CLMN: variants seen among roughly 807,000 people sequenced by gnomAD.
CLMN encodes calmin (calponin-like, transmembrane).
Under a neutral mutation model 92.7 loss-of-function variants are expected in CLMN, and 57 were observed. The observed-to-expected ratio is 0.61, with a 90% CI of 0.50 to 0.77. The LOEUF (loss-of-function observed/expected upper bound fraction) is 0.77, where lower values mean the gene tolerates loss of function less well. CLMN is among the 30% of genes least tolerant of loss of function. CLMN has a pLI of 0.00. For synonymous variants in CLMN, 466 were observed against 470.6 expected (o/e 0.99, Z 0.13); for missense variants, 1,158 against 1,237.5 (o/e 0.94, Z 0.96).
At chr14:95,258,732 G>C (rs532483105) in intron 1 of CLMN, among the ~76,000 whole-genome samples, 1 of 146,822 alleles carries the variant, frequency 6.8e-6, no homozygotes, top group Admixed American at 6.7e-5. Context: ...GTATGTGTAT[G>C]TATCTGTGGT....
intron 1 of CLMN, among the ~76,000 whole-genome samples, chr14:95,303,331 G>A (rs1901137073): frequency 6.6e-6 from 1 of 152,240 alleles, no homozygotes; most frequent in Non-Finnish European, 1.5e-5. Flanking sequence ...AGCAGAGGCT[G>A]CAGCTTTAAA....
At position 95,235,584 on chromosome 14, in the gene CLMN, T is replaced by G. The variant is rs541309535; in HGVS notation, c.83-5451A>C. On this transcript the variant is annotated intron_variant, in intron 1 of 12. Transcript: ENST00000298912. ...TCGTGGGCACTGGGCCAAAAAATGG[T>G]CATTTTCTGTCCTTCTTTGTCTAAA... Among the ~76,000 whole-genome samples, 5 of 152,240 alleles carry G rather than the reference T, an allele frequency of 3.3e-5. No individual in the cohort carries two copies. The South Asian group carries it at 1.0e-3, about 32-fold the overall frequency.
chr14:95,200,082 G>T (rs764931354), intron 9 of CLMN, among the ~76,000 whole-genome samples: 20 of 152,164 alleles, frequency 1.3e-4, no homozygotes, highest in Non-Finnish European at 2.8e-4. Flanking sequence ...TGAGATAGAG[G>T]CAGAGCCAAT....
chr14:95,280,512 A>C (rs868423258), intron 1 of CLMN, among the ~76,000 whole-genome samples: 33 of 152,186 alleles, frequency 2.2e-4, no homozygotes, highest in African/African-American at 6.5e-4. Flanking sequence ...AAAATCTTTG[A>C]GTTATTTGGC....
intron 9 of CLMN, among the ~76,000 whole-genome samples, chr14:95,198,695 G>C (rs756643540): frequency 1.6e-4 from 24 of 152,084 alleles, no homozygotes; most frequent in Admixed American, 1.0e-3. Flanking sequence ...TTCAAATCTA[G>C]ATCTCCCGAT....
intron 1 of CLMN, among the ~76,000 whole-genome samples, chr14:95,302,738 T>C (rs771948724): frequency 3.3e-5 from 5 of 152,182 alleles, no homozygotes; most frequent in Non-Finnish European, 7.3e-5. Context: ...TGACTATTTG[T>C]TCAAGTGACA....
chr14:95,206,975 C>T (rs1166693427), intron 8 of CLMN, among the ~76,000 whole-genome samples: 2 of 149,610 alleles, frequency 1.3e-5, no homozygotes, highest in African/African-American at 4.9e-5. Flanking sequence ...TTGCTTAAAA[C>T]AACAAAAATT....
In CLMN at chr14:95,182,746, G is replaced by T. The variant is rs914189117; in HGVS notation, c.*8818C>A. On this transcript the variant is annotated 3_prime_UTR_variant, in exon 13 of 13. Coordinates refer to ENST00000298912, the MANE Select transcript of CLMN (RefSeq NM_024734.4). ...ATGAGGGATGGGAAGATCTAGTCCT[G>T]TACAGCTATTTATTCCTGCAGTTGA... 1 of 150,702 alleles carries T rather than the reference G, an allele frequency of 6.6e-6. No homozygotes were observed. The highest frequency in any genetic ancestry group is 2.1e-4 in the South Asian group (1 of 4,832). 9.3% of individuals were successfully genotyped at this position (150,702 alleles called of 1,614,324 possible).
intron 1 of CLMN, among the ~76,000 whole-genome samples, chr14:95,261,961 T>G (rs920699287): frequency 2.0e-5 from 3 of 152,226 alleles, no homozygotes; most frequent in African/African-American, 7.2e-5. Context: ...CTGGAAATTT[T>G]TCCTCCAAGC....
chr14:95,227,089 G>T (rs1897735572), intron 2 of CLMN, among the ~76,000 whole-genome samples: 1 of 152,096 alleles, frequency 6.6e-6, no homozygotes, highest in Non-Finnish European at 1.5e-5. Context: ...GAGCTCCTGA[G>T]GCCAACGGGA....
At chr14:95,280,816 T>C (rs1032454032) in intron 1 of CLMN, among the ~76,000 whole-genome samples, 4 of 152,232 alleles carry the variant, frequency 2.6e-5, no homozygotes, top group African/African-American at 9.6e-5. Flanking sequence ...AATTTTGATA[T>C]GACTTAGTGG....
chr14:95,313,197 ACT>A (rs1045722588), intron 1 of CLMN, among the ~76,000 whole-genome samples: 2 of 152,094 alleles, frequency 1.3e-5, no homozygotes, highest in Non-Finnish European at 2.9e-5. Context: ...CAAGAATGAA[ACT>A]CTGTCTCAAA....
chr14:95,243,463 T>C (rs977660621), intron 1 of CLMN, among the ~76,000 whole-genome samples: 2 of 152,184 alleles, frequency 1.3e-5, no homozygotes, highest in Non-Finnish European at 2.9e-5. Context: ...TGGGCAACCA[T>C]GCTTTTAAAT....
At chr14:95,272,373 T>C (rs11621225) in intron 1 of CLMN, among the ~76,000 whole-genome samples, 26,593 of 152,138 alleles carry the variant, frequency 0.17, 3,060 homozygotes, top group Non-Finnish European at 0.25. Context: ...CAAACCTCAC[T>C]GGGACCCAGG....
At chr14:95,258,997 G>T (rs1369425273) in intron 1 of CLMN, among the ~76,000 whole-genome samples, 2 of 150,338 alleles carry the variant, frequency 1.3e-5, no homozygotes, top group Admixed American at 1.3e-4. Flanking sequence ...TGGAGAGTGT[G>T]TTTGTATGTA....
intron 1 of CLMN, among the ~76,000 whole-genome samples, chr14:95,301,190 C>G (rs1435718656): frequency 1.6e-4 from 25 of 152,206 alleles, no homozygotes; most frequent in Admixed American, 1.6e-3. Flanking sequence ...AAAGCTGAAG[C>G]TGCACATCAA....
intron 1 of CLMN, among the ~76,000 whole-genome samples, chr14:95,314,928 G>T (rs562744032): frequency 6.6e-6 from 1 of 152,294 alleles, no homozygotes; most frequent in Non-Finnish European, 1.5e-5. Flanking sequence ...TTTTCTTTGG[G>T]TTTTTATATA....
At chr14:95,264,339 C>A (rs991411535) in intron 1 of CLMN, among the ~76,000 whole-genome samples, 1 of 152,116 alleles carries the variant, frequency 6.6e-6, no homozygotes, top group South Asian at 2.1e-4. Context: ...CGGACCCCTG[C>A]ATCTTATTTT....
At chr14:95,284,002 G>A (rs1184631670) in intron 1 of CLMN, among the ~76,000 whole-genome samples, 4 of 152,158 alleles carry the variant, frequency 2.6e-5, no homozygotes, top group African/African-American at 9.7e-5. Flanking sequence ...TCCCATCACA[G>A]CCCCAGAGGC....
Sources: allele counts gnomAD v4.1 joint callset (sites outside exome capture counted in the v4.1 genomes callset), GRCh38; gene constraint gnomAD v4.1.1; transcripts MANE v1.5; gene names NCBI Gene and HGNC (gene_info 2026-07-23, HGNC 2026-07-21).